EXOC4: variants seen among roughly 807,000 people sequenced by gnomAD.
The protein encoded by EXOC4 is SEC8-like 1.
A neutral mutation model predicts 107.2 loss-of-function variants in EXOC4; 71 were observed. The observed-to-expected ratio is 0.66, with a 90% CI of 0.55 to 0.81. The LOEUF is 0.81. Among genes scored for constraint, EXOC4 ranks in the 30% least tolerant of loss-of-function variants. EXOC4 has a pLI of 0.00. For synonymous variants in EXOC4, 456 were observed against 441.2 expected (o/e 1.03, Z -0.42); for missense variants, 1,108 against 1,189.6 (o/e 0.93, Z 1.01).
At chr7:133,784,757 A>G (rs1796534798) in intron 10 of EXOC4, among the ~76,000 whole-genome samples, 1 of 152,166 alleles carries the variant, frequency 6.6e-6, no homozygotes, top group Non-Finnish European at 1.5e-5. Flanking sequence ...CCAGTTGAGC[A>G]TGGAACATAG....
chr7:133,914,376 G>A (rs1420366424), intron 12 of EXOC4, among the ~76,000 whole-genome samples: 1 of 152,182 alleles, frequency 6.6e-6, no homozygotes, highest in Middle Eastern at 3.2e-3. Flanking sequence ...ATAGAGGCTA[G>A]CATCTTGACA....
chr7:133,977,752 G>T (rs1585294943), intron 14 of EXOC4, among the ~76,000 whole-genome samples: 2 of 151,980 alleles, frequency 1.3e-5, no homozygotes, highest in Admixed American at 6.6e-5. Context: ...GTGTGTGTGT[G>T]TGTGTGTGTG....
At chr7:133,588,217 G>A (rs970115470) in intron 9 of EXOC4, among the ~76,000 whole-genome samples, 1 of 152,216 alleles carries the variant, frequency 6.6e-6, no homozygotes, top group Non-Finnish European at 1.5e-5. Context: ...ACTGGGCCAT[G>A]TGGCAGCATT....
chr7:134,038,355 G>A (rs1013865970), intron 17 of EXOC4, among the ~76,000 whole-genome samples: 1 of 152,102 alleles, frequency 6.6e-6, no homozygotes, highest in Non-Finnish European at 1.5e-5. Context: ...AGGCATTACA[G>A]AATAAAAATA....
At chr7:133,346,464 T>C (rs1381925037) in intron 5 of EXOC4, among the ~76,000 whole-genome samples, 1 of 152,240 alleles carries the variant, frequency 6.6e-6, no homozygotes, top group African/African-American at 2.4e-5. Context: ...CATTTTTAAA[T>C]TTAATTATAT....
At chr7:133,343,298 G>A (rs1015920128) in intron 5 of EXOC4, among the ~76,000 whole-genome samples, 6 of 151,984 alleles carry the variant, frequency 3.9e-5, no homozygotes, top group African/African-American at 1.4e-4. Flanking sequence ...TGCTCTTCTG[G>A]GTCTGGCCAC....
chr7:133,383,422 A>C (rs1157613914), intron 7 of EXOC4, among the ~76,000 whole-genome samples: 1 of 152,206 alleles, frequency 6.6e-6, no homozygotes. Flanking sequence ...CACCTAGAAC[A>C]AGTCACTTTA....
intron 10 of EXOC4, among the ~76,000 whole-genome samples, chr7:133,810,143 T>C (rs1797183249): frequency 6.6e-6 from 1 of 152,232 alleles, no homozygotes; most frequent in African/African-American, 2.4e-5. Context: ...TAAGCAATTA[T>C]TTTTATTCAA....
intron 17 of EXOC4, among the ~76,000 whole-genome samples, chr7:134,039,511 C>T (rs1303525162): frequency 3.3e-5 from 5 of 152,282 alleles, no homozygotes; most frequent in African/African-American, 1.2e-4. Context: ...TCAGAACAGG[C>T]AATCACACAT....
At chr7:133,971,361 T>TATATATATATAG (rs1489958236) in intron 14 of EXOC4, among the ~76,000 whole-genome samples, 208 of 75,024 alleles carry the variant, frequency 2.8e-3, no homozygotes, top group African/African-American at 3.3e-3. Flanking sequence ...TATATATATA[T>TATATATATATAG]AGAGAGAGAG....
intron 9 of EXOC4, among the ~76,000 whole-genome samples, chr7:133,588,160 A>G (rs1425367891): frequency 1.3e-5 from 2 of 152,194 alleles, no homozygotes; most frequent in Non-Finnish European, 2.9e-5. Context: ...AAGCCATTTA[A>G]TTGTTCAAAT....
At chr7:134,027,048 G>A (rs1382352482) in intron 17 of EXOC4, among the ~76,000 whole-genome samples, 1 of 151,720 alleles carries the variant, frequency 6.6e-6, no homozygotes. Context: ...TTAAGGGGGG[G>A]GATTCACACA....
chr7:133,420,155 A>G (rs1472885079), intron 7 of EXOC4, among the ~76,000 whole-genome samples: 4 of 123,260 alleles, frequency 3.2e-5, no homozygotes, highest in Admixed American at 9.5e-5. Context: ...AGAGTGTGAT[A>G]TTCCCCTTCC....
chr7:133,706,179 C>G (rs775028708), intron 10 of EXOC4, among the ~76,000 whole-genome samples: 2 of 152,132 alleles, frequency 1.3e-5, no homozygotes, highest in East Asian at 3.8e-4. Context: ...TGTGTAAGTG[C>G]AATTCTGTAT....
intron 14 of EXOC4, among the ~76,000 whole-genome samples, chr7:133,943,251 G>A (rs964997450): frequency 1.3e-5 from 2 of 152,102 alleles, no homozygotes; most frequent in Admixed American, 1.3e-4. Flanking sequence ...TACTTGAAAT[G>A]CCTACCTAGT....
chr7:133,849,966 A>G (rs552158378), intron 11 of EXOC4, among the ~76,000 whole-genome samples: 4 of 152,246 alleles, frequency 2.6e-5, no homozygotes, highest in South Asian at 4.1e-4. Flanking sequence ...ACTGTTTTCA[A>G]TATCATCCAA....
the EXOC4 span, among the ~76,000 whole-genome samples, chr7:134,091,067 G>A: frequency 6.6e-6 from 1 of 152,074 alleles, no homozygotes; most frequent in Non-Finnish European, 1.5e-5. Context: ...TCCCTTTGTG[G>A]TTGCCAGAAA....
intron 13 of EXOC4, among the ~76,000 whole-genome samples, chr7:133,936,284 G>A (rs151318045): frequency 7.2e-5 from 11 of 152,302 alleles, no homozygotes; most frequent in South Asian, 4.1e-4. Flanking sequence ...GAGGCTAGTC[G>A]TGACTCATTA....
At chr7:133,693,060 T>C (rs1326346683) in intron 10 of EXOC4, among the ~76,000 whole-genome samples, 1 of 152,118 alleles carries the variant, frequency 6.6e-6, no homozygotes, top group African/African-American at 2.4e-5. Flanking sequence ...TAGATGTATA[T>C]ATGAAGGGGA....
Sources: allele counts gnomAD v4.1 joint callset (sites outside exome capture counted in the v4.1 genomes callset), GRCh38; gene constraint gnomAD v4.1.1; transcripts MANE v1.5; gene names NCBI Gene and HGNC (gene_info 2026-07-23, HGNC 2026-07-21).